Variants in DENND2B observed in about 807,000 individuals in gnomAD.
DENND2B encodes the protein DENN domain-containing protein 2B.
Under a neutral mutation model 116.0 loss-of-function variants are expected in DENND2B, and 32 were observed. That is an observed-to-expected ratio of 0.28 (90% confidence interval 0.21 to 0.37). The LOEUF is 0.37. Among genes scored for constraint, DENND2B ranks in the 10% least tolerant of loss-of-function variants. The pLI, the probability that DENND2B is intolerant of heterozygous loss-of-function variation, is 1.00. For synonymous variants in DENND2B, 588 were observed against 583.9 expected (o/e 1.01, Z -0.10); for missense variants, 1,276 against 1,477.7 (o/e 0.86, Z 2.24).
rs761238624 is a variant in DENND2B, at chr11:8,696,409, C to T, written c.3292+18G>A. The T allele has an allele frequency of 1.2e-6, 2 of 1,612,824 alleles. No homozygotes were observed. Among genetic ancestry groups the T allele is most frequent in the South Asian group, 2.2e-5 (2 of 91,006 alleles). On this transcript the variant is annotated intron_variant, in intron 18 of 19. Coordinates refer to ENST00000313726, the MANE Select transcript of DENND2B (RefSeq NM_213618.2). Reference sequence around the variant, plus strand: ...TGGGTGAAAAAATTAGAGAAGAGAGCTGATAACCAAGACTTACCCTTTGCC... The same window carrying T: ...TGGGTGAAAAAATTAGAGAAGAGAGTTGATAACCAAGACTTACCCTTTGCC...
At chr11:8,910,497 G>A (rs368541311) in intron 1 of DENND2B, among the ~76,000 whole-genome samples, 2 of 152,038 alleles carry the variant, frequency 1.3e-5, no homozygotes, top group South Asian at 2.1e-4. Flanking sequence ...GGGTTCAAGC[G>A]ATCCTCCCAC....
At chr11:8,836,877 G>A (rs2062450057) in intron 4 of DENND2B, among the ~76,000 whole-genome samples, 3 of 152,122 alleles carry the variant, frequency 2.0e-5, no homozygotes, top group Admixed American at 2.0e-4. Flanking sequence ...CACCACACCT[G>A]GCTAATTTTC....
intron 1 of DENND2B, chr11:8,895,476 A>G (rs1430554247): frequency 1.3e-5 from 2 of 152,226 alleles, no homozygotes; most frequent in African/African-American, 4.8e-5. Context: ...TACTAAATGA[A>G]ATAAGCCAGT....
intron 1 of DENND2B, among the ~76,000 whole-genome samples, chr11:8,804,440 T>A (rs995516923): frequency 3.3e-5 from 5 of 152,034 alleles, no homozygotes; most frequent in Non-Finnish European, 5.9e-5. Context: ...AATCCTGTGT[T>A]ATTAGGAAAT....
chr11:8,769,216 G>A (rs1363804222), intron 1 of DENND2B, among the ~76,000 whole-genome samples: 2 of 150,590 alleles, frequency 1.3e-5, no homozygotes, highest in Non-Finnish European at 2.9e-5. Flanking sequence ...CACTGCCAAG[G>A]TAACAGCAAC....
chr11:8,741,821 C>T (rs1043151641), intron 2 of DENND2B, among the ~76,000 whole-genome samples: 9 of 152,168 alleles, frequency 5.9e-5, no homozygotes, highest in Non-Finnish European at 1.2e-4. Flanking sequence ...ATCCCCCAGA[C>T]GTGGGGTTAA....
At chr11:8,770,078 C>T (rs779223859) in intron 1 of DENND2B, among the ~76,000 whole-genome samples, 38 of 152,194 alleles carry the variant, frequency 2.5e-4, no homozygotes, top group Non-Finnish European at 4.7e-4. Flanking sequence ...CCTTGTGTAG[C>T]TGTGAAGGGC....
At chr11:8,891,960 A>G (rs1256112688) in intron 1 of DENND2B, among the ~76,000 whole-genome samples, 1 of 152,186 alleles carries the variant, frequency 6.6e-6, no homozygotes, top group African/African-American at 2.4e-5. Flanking sequence ...ACCACACCGC[A>G]CTTATTCGAA....
At chr11:8,886,724 C>T (rs1212816222) in intron 1 of DENND2B, among the ~76,000 whole-genome samples, 1 of 151,780 alleles carries the variant, frequency 6.6e-6, no homozygotes. Flanking sequence ...ATGAACATCA[C>T]GGCTCAACAA....
chr11:8,757,617 A>G (rs1377558217), intron 1 of DENND2B, among the ~76,000 whole-genome samples: 3 of 152,254 alleles, frequency 2.0e-5, no homozygotes, highest in Non-Finnish European at 2.9e-5. Context: ...ACATGTAATT[A>G]TAACAGCTAA....
intron 1 of DENND2B, among the ~76,000 whole-genome samples, chr11:8,901,189 C>T (rs1323424661): frequency 6.8e-6 from 1 of 146,886 alleles, no homozygotes; most frequent in African/African-American, 2.5e-5. Flanking sequence ...GTTTGTTCTT[C>T]TTTTCCTAGT....
At chr11:8,708,803 T>C (rs1027629615) in intron 11 of DENND2B, among the ~76,000 whole-genome samples, 1 of 151,966 alleles carries the variant, frequency 6.6e-6, no homozygotes, top group Non-Finnish European at 1.5e-5. Context: ...AATACAAAAT[T>C]AGCCGGTCAT....
intron 1 of DENND2B, among the ~76,000 whole-genome samples, chr11:8,751,684 T>G (rs1281006730): frequency 6.6e-6 from 1 of 152,124 alleles, no homozygotes; most frequent in Non-Finnish European, 1.5e-5. Flanking sequence ...ATTCTTGAAG[T>G]CAGTGAGACC....
At chr11:8,877,772 C>G (rs951527168) in intron 2 of DENND2B, among the ~76,000 whole-genome samples, 4 of 152,038 alleles carry the variant, frequency 2.6e-5, no homozygotes, top group Non-Finnish European at 1.5e-5. Flanking sequence ...AGTTCCCCCC[C>G]AAAAAAATCA....
intron 16 of DENND2B, 96 bp downstream of exon 16, chr11:8,698,837 G>C (rs1438448024): frequency 2.1e-6 from 3 of 1,449,222 alleles, no homozygotes; most frequent in African/African-American, 2.8e-5. Context: ...TGAACCCAGA[G>C]AGAGAGCTCA....
intron 1 of DENND2B, among the ~76,000 whole-genome samples, chr11:8,760,137 A>T (rs2054346378): frequency 6.6e-6 from 1 of 152,198 alleles, no homozygotes; most frequent in Non-Finnish European, 1.5e-5. Flanking sequence ...CAGATCGACG[A>T]CTTGCCTGGT....
Position 8,710,892 on chromosome 11 carries a change from T to A in DENND2B, c.2305A>T (p.Thr769Ser). The change falls in exon 11 of 20, where the codon ACT (threonine) becomes TCT (serine). Residue 769 changes from threonine to serine, a missense_variant. Physicochemically the swap from Thr to Ser is moderately conservative, Grantham distance 58. Transcript: ENST00000313726. ...YSSETFSFML[T>S]GEDGSRRFGY... ...AAGCGTCTGCTGCCATCTTCCCCAGTCAGCATGAAAGAAAAGGTCTCACTG... is the reference window on the plus strand; with the variant it reads ...AAGCGTCTGCTGCCATCTTCCCCAGACAGCATGAAAGAAAAGGTCTCACTG... The A allele has an allele frequency of 1.2e-6, 2 of 1,613,790 alleles. No homozygotes were observed. Among genetic ancestry groups the A allele is most frequent in the African/African-American group, 2.7e-5 (2 of 74,920 alleles).
At chr11:8,774,211 C>T (rs1165431725) in intron 1 of DENND2B, 4 of 985,346 alleles carry the variant, frequency 4.1e-6, no homozygotes, top group South Asian at 9.4e-5. Context: ...CAGCTGGAGA[C>T]CCTACCTCCA....
intron 1 of DENND2B, among the ~76,000 whole-genome samples, chr11:8,901,139 AATC>A (rs1416675918): frequency 6.6e-6 from 1 of 151,008 alleles, no homozygotes; most frequent in Non-Finnish European, 1.5e-5. Context: ...ATTTCTACCT[AATC>A]ATCATTATAC....
Sources: gnomAD v4.1 joint callset for allele counts (sites outside exome capture counted in the v4.1 genomes callset) on GRCh38, gnomAD v4.1.1 for gene constraint, MANE v1.5 for transcripts, NCBI Gene and HGNC (gene_info 2026-07-23, HGNC 2026-07-21) for gene names.